Variants in THSD7A observed in about 807,000 individuals in gnomAD.
The protein encoded by THSD7A is thrombospondin type 1 domain containing 7A.
In THSD7A, 96 loss-of-function variants were observed where a neutral mutation model predicts 231.3. The ratio of observed to expected loss-of-function variants is 0.41; its 90% CI spans 0.35 to 0.49. The LOEUF (loss-of-function observed/expected upper bound fraction) is 0.49, where lower values mean the gene tolerates loss of function less well. Ranked by LOEUF, THSD7A falls within the 20% of genes least tolerant of loss-of-function variation. THSD7A has a pLI of 0.05. For synonymous variants in THSD7A, 940 were observed against 743.3 expected, an observed-to-expected ratio of 1.26 and a Z score of -4.30; for missense variants, 2,290 against 2,070.2, an observed-to-expected ratio of 1.11 and a Z score of -2.06.
chr7:11,721,930 T>C (rs1357147649), intron 1 of THSD7A, among the ~76,000 whole-genome samples: 1 of 151,860 alleles, frequency 6.6e-6, no homozygotes, highest in African/African-American at 2.4e-5. Flanking sequence ...ACTCTTCTTA[T>C]ATTTTATGCA....
chr7:11,494,944 A>C (rs1787039058), intron 6 of THSD7A, among the ~76,000 whole-genome samples: 1 of 152,090 alleles, frequency 6.6e-6, no homozygotes, highest in Admixed American at 6.6e-5. Context: ...TAAAATTTGG[A>C]AATAATCAAA....
chr7:11,501,160 G>A (rs753434863), intron 6 of THSD7A, among the ~76,000 whole-genome samples: 3 of 152,006 alleles, frequency 2.0e-5, no homozygotes, highest in African/African-American at 7.2e-5. Flanking sequence ...AAGAGACATA[G>A]ACTCCCCACA....
At chr7:11,519,137 A>G (rs1436235939) in intron 6 of THSD7A, among the ~76,000 whole-genome samples, 2 of 151,872 alleles carry the variant, frequency 1.3e-5, no homozygotes, top group Non-Finnish European at 2.9e-5. Flanking sequence ...TTATTGAAGT[A>G]AAAGTTATAG....
chr7:11,652,192 C>G (rs963442469), intron 1 of THSD7A, among the ~76,000 whole-genome samples: 23 of 151,204 alleles, frequency 1.5e-4, no homozygotes, highest in African/African-American at 5.3e-4. Context: ...AAACCAGGGC[C>G]AAAGTAAATC....
intron 1 of THSD7A, among the ~76,000 whole-genome samples, chr7:11,681,693 G>C (rs1179349353): frequency 6.6e-6 from 1 of 151,958 alleles, no homozygotes; most frequent in African/African-American, 2.4e-5. Context: ...CATCGTTCAG[G>C]ATATAATGCA....
chr7:11,383,628 G>T (rs1462418787), intron 23 of THSD7A, among the ~76,000 whole-genome samples: 3 of 151,622 alleles, frequency 2.0e-5, no homozygotes, highest in African/African-American at 7.3e-5. Flanking sequence ...AATTTTTTTT[G>T]GTTAGTCTTT....
chr7:11,551,443 G>A (rs1583958069), intron 4 of THSD7A, among the ~76,000 whole-genome samples: 1 of 152,018 alleles, frequency 6.6e-6, no homozygotes, highest in African/African-American at 2.4e-5. Context: ...TGCAAAGTAT[G>A]CATCTGACAA....
chr7:11,820,504 G>T, intron 1 of THSD7A: 2 of 873,176 alleles, frequency 2.3e-6, no homozygotes, highest in Non-Finnish European at 1.7e-6. Context: ...TTGCTTTTGG[G>T]TGTGTAATCT....
intron 11 of THSD7A, among the ~76,000 whole-genome samples, chr7:11,460,028 T>C (rs911069511): frequency 1.3e-5 from 2 of 152,092 alleles, no homozygotes; most frequent in African/African-American, 4.8e-5. Context: ...AAATCTTGAG[T>C]TTCTATATTC....
At chr7:11,734,826 A>G (rs967074272) in intron 1 of THSD7A, among the ~76,000 whole-genome samples, 2 of 152,096 alleles carry the variant, frequency 1.3e-5, no homozygotes, top group South Asian at 4.1e-4. Context: ...AGAAAAAGGG[A>G]GAAAGTAATT....
At chr7:11,521,806 G>T (rs756151007) in intron 6 of THSD7A, among the ~76,000 whole-genome samples, 19 of 151,322 alleles carry the variant, frequency 1.3e-4, no homozygotes, top group African/African-American at 4.4e-4. Context: ...ACTACCTTTT[G>T]AAGTTACCTC....
chr7:11,708,173 A>G (rs1404111728), intron 1 of THSD7A, among the ~76,000 whole-genome samples: 1 of 150,802 alleles, frequency 6.6e-6, no homozygotes, highest in African/African-American at 2.4e-5. Context: ...ATTGCAGATA[A>G]AATGTAGAGA....
Position 11,668,455 on chromosome 7 carries a change from G to C in THSD7A, c.191-31494C>G, listed in dbSNP as rs554517795. On this transcript the variant is annotated intron_variant, in intron 1 of 27. Transcript: ENST00000423059. ...GAAAGAAAAGAAAGAAAGAGAGAGAGAGAGAAAGAAAGAAAAAAAGAAAGA... is the reference window on the plus strand; with the variant it reads ...GAAAGAAAAGAAAGAAAGAGAGAGACAGAGAAAGAAAGAAAAAAAGAAAGA... Among the ~76,000 whole-genome samples the C allele has an allele frequency of 1.7e-4, 7 of 41,512 alleles. No homozygotes were observed. In the South Asian group the frequency reaches 3.1e-3, roughly 19 times the overall value. The allele number at this position is 41,512 out of a possible 152,430, so 27.2% of individuals were successfully genotyped here.
At chr7:11,409,845 C>T (rs1025402472) in intron 19 of THSD7A, among the ~76,000 whole-genome samples, 10 of 151,956 alleles carry the variant, frequency 6.6e-5, no homozygotes, top group East Asian at 1.9e-4. Flanking sequence ...TGGGTTCAAG[C>T]GATTCTCCTG....
Position 11,446,088 on chromosome 7 carries a change from C to A in THSD7A, c.3037G>T (p.Val1013Leu). 6.2e-7 allele frequency: 1 copy of A among 1,613,296 alleles called. No individual in the cohort carries two copies. Among genetic ancestry groups the A allele is most frequent in the Non-Finnish European group, 8.5e-7 (1 of 1,179,508 alleles). ...TGGCTGTTACATCTAGATGTTTCCA[C>A]AAGCCTGCCATTTTGATCGTAGCAT... ...MACYDQNGRL[V>L]ETSRCNSHGY... is the part of the protein sequence containing the mutation. Residue 1013 changes from valine to leucine, a missense_variant, in exon 13 of 28, where the codon GTG becomes TTG. By Grantham distance (32) the Val-to-Leu change is conservative. Transcript: ENST00000423059. The surrounding 1 kb of genome is among the most constrained non-coding windows in gnomAD (Gnocchi z 4.0).
intron 16 of THSD7A, among the ~76,000 whole-genome samples, chr7:11,422,598 C>CAAAAAAAAA (rs5882308): frequency 4.1e-5 from 4 of 97,868 alleles, no homozygotes; most frequent in African/African-American, 7.1e-5. Context: ...ATTTACAAAG[C>CAAAAAAAAA]AAAAAAAAAA....
At chr7:11,523,759 A>G (rs1390574822) in intron 6 of THSD7A, among the ~76,000 whole-genome samples, 5 of 152,222 alleles carry the variant, frequency 3.3e-5, no homozygotes, top group Middle Eastern at 3.4e-3. Context: ...TGTACGTAGT[A>G]ATTACTAGAA....
intron 2 of THSD7A, among the ~76,000 whole-genome samples, chr7:11,595,191 C>T (rs1374403244): frequency 6.6e-6 from 1 of 152,180 alleles, no homozygotes; most frequent in Non-Finnish European, 1.5e-5. Flanking sequence ...CCCCTGTTTG[C>T]TTCTAGACCT....
chr7:11,603,629 A>T (rs1386981587), intron 2 of THSD7A, among the ~76,000 whole-genome samples: 2 of 151,824 alleles, frequency 1.3e-5, no homozygotes, highest in African/African-American at 4.8e-5. Context: ...GAACCAACCC[A>T]AATGTCCAAC....
Sources: gnomAD v4.1 joint callset for allele counts (sites outside exome capture counted in the v4.1 genomes callset) on GRCh38, gnomAD v4.1.1 for gene constraint, Gnocchi (gnomAD v3.1) non-coding constraint, MANE v1.5 for transcripts, NCBI Gene and HGNC (gene_info 2026-07-23, HGNC 2026-07-21) for gene names.